The following FAM78B variants were observed in gnomAD, a reference collection of about 807,000 sequenced individuals.
FAM78B encodes protein FAM78B.
A neutral mutation model predicts 20.0 loss-of-function variants in FAM78B; 10 were observed. The ratio of observed to expected loss-of-function variants is 0.50; its 90% CI spans 0.31 to 0.85. FAM78B has a LOEUF of 0.85. Ranked by LOEUF, FAM78B falls within the 40% of genes least tolerant of loss-of-function variation. The pLI is 0.05. For synonymous variants in FAM78B, 135 were observed against 132.8 expected (o/e 1.02, Z -0.12); for missense variants, 283 against 345.0 (o/e 0.82, Z 1.42).
chr1:166,155,491 T>C (rs973601062), intron 1 of FAM78B, among the ~76,000 whole-genome samples: 1 of 152,210 alleles, frequency 6.6e-6, no homozygotes, highest in African/African-American at 2.4e-5. Context: ...AAGTTGCTCA[T>C]GGTTTCACGG....
intron 1 of FAM78B, among the ~76,000 whole-genome samples, chr1:166,130,745 C>A: frequency 6.6e-6 from 1 of 152,232 alleles, no homozygotes; most frequent in Non-Finnish European, 1.5e-5. Flanking sequence ...AGGTGGATTG[C>A]CCAAGATAGA....
intron 1 of FAM78B, among the ~76,000 whole-genome samples, chr1:166,134,392 A>C (rs1654992978): frequency 6.6e-6 from 1 of 152,188 alleles, no homozygotes; most frequent in Admixed American, 6.5e-5. Context: ...AGCTAGTGGC[A>C]GAGGCAGGAC....
intron 1 of FAM78B, among the ~76,000 whole-genome samples, chr1:166,109,850 A>ATGTGTG (rs1309748110): frequency 5.2e-5 from 1 of 19,060 alleles, no homozygotes; most frequent in African/African-American, 1.4e-4. Flanking sequence ...GTATATATAT[A>ATGTGTG]TATATATATA....
At chr1:166,149,749 T>C (rs1003751330) in intron 1 of FAM78B, among the ~76,000 whole-genome samples, 1 of 152,192 alleles carries the variant, frequency 6.6e-6, no homozygotes, top group Admixed American at 6.5e-5. Context: ...TTGAGCTCCA[T>C]ATCGTAGAAT....
intron 1 of FAM78B, among the ~76,000 whole-genome samples, chr1:166,085,480 GA>G (rs1299368451): frequency 1.3e-5 from 2 of 152,148 alleles, no homozygotes; most frequent in African/African-American, 4.8e-5. Flanking sequence ...AATCATTAAG[GA>G]GAACAAATGT....
chr1:166,057,970 T>C (rs950942466), exon 3 of FAM78B: 72 of 145,766 alleles, frequency 4.9e-4, no homozygotes, highest in African/African-American at 1.7e-3. Flanking sequence ...TTTGGGTTTT[T>C]TTTTTTCATT....
At chr1:166,121,722 C>G (rs1272812634) in intron 1 of FAM78B, among the ~76,000 whole-genome samples, 1 of 152,204 alleles carries the variant, frequency 6.6e-6, no homozygotes, top group African/African-American at 2.4e-5. Flanking sequence ...CTCCTAACAA[C>G]TCTATGAGGT....
At chr1:166,060,851 T>C (rs1214657010) in intron 2 of FAM78B, among the ~76,000 whole-genome samples, 1 of 152,180 alleles carries the variant, frequency 6.6e-6, no homozygotes, top group Non-Finnish European at 1.5e-5. Context: ...AAAGAATATA[T>C]AACTTTCATA....
chr1:166,109,890 G>GTATATATATATATATATA (rs1200752162), intron 1 of FAM78B, among the ~76,000 whole-genome samples: 1 of 23,194 alleles, frequency 4.3e-5, no homozygotes, highest in Non-Finnish European at 1.1e-4. Context: ...ATGTATATAT[G>GTATATATATATATATATA]TATATATATA....
At chr1:166,146,182 A>G (rs534733828) in intron 1 of FAM78B, among the ~76,000 whole-genome samples, 11 of 152,356 alleles carry the variant, frequency 7.2e-5, no homozygotes, top group Middle Eastern at 3.4e-3. Flanking sequence ...GCTTTAAAAC[A>G]TTAGTTCAAT....
intron 1 of FAM78B, among the ~76,000 whole-genome samples, chr1:166,092,008 T>C (rs1324915903): frequency 6.7e-6 from 1 of 149,816 alleles, no homozygotes; most frequent in African/African-American, 2.5e-5. Context: ...ACAGACACTG[T>C]GTGGTTAACA....
chr1:166,109,860 A>G lies in FAM78B; in HGVS notation c.264-39097T>C, dbSNP rs1162789394. ...TATATGTATATATATATATATATAT[A>G]TGTATGTGTATATATATATATGTAT... On this transcript the variant is annotated intron_variant, in intron 1 of 1. Coordinates refer to ENST00000354422, the MANE Select transcript of FAM78B (RefSeq NM_001017961.5). Among the ~76,000 whole-genome samples the G allele has an allele frequency of 6.7e-4, 15 of 22,480 alleles. 1 individual carries two copies. Among genetic ancestry groups the G allele is most frequent in the East Asian group, 3.5e-3 (2 of 578 alleles). 14.7% of individuals were successfully genotyped at this position (22,480 alleles called of 152,430 possible).
chr1:166,153,436 C>G (rs1358151306), intron 1 of FAM78B, among the ~76,000 whole-genome samples: 1 of 152,220 alleles, frequency 6.6e-6, no homozygotes, highest in Non-Finnish European at 1.5e-5. Flanking sequence ...CAAAGGCAGG[C>G]AGGAACCTGG....
intron 1 of FAM78B, among the ~76,000 whole-genome samples, chr1:166,140,862 G>A (rs571276534): frequency 1.3e-5 from 2 of 152,260 alleles, no homozygotes; most frequent in Admixed American, 6.5e-5. Context: ...GGGGCATGGG[G>A]CAGCAGCAGA....
chr1:166,115,705 TGGAGCGGCTGAGGGCTCAAGAAA>T (rs1346963117), intron 1 of FAM78B, among the ~76,000 whole-genome samples: 2 of 152,180 alleles, frequency 1.3e-5, no homozygotes, highest in Non-Finnish European at 2.9e-5. Flanking sequence ...GAAAGGCATT[TGGAGCGGCTGAGGGCTCAAGAAA>T]GGGCTTCCAG....
At chr1:166,116,733 C>T (rs1475813960) in intron 1 of FAM78B, among the ~76,000 whole-genome samples, 1 of 152,130 alleles carries the variant, frequency 6.6e-6, no homozygotes, top group Non-Finnish European at 1.5e-5. Flanking sequence ...GTAATCTTAC[C>T]CTCTTCAGCT....
chr1:166,100,396 T>C (rs138981721), intron 1 of FAM78B, among the ~76,000 whole-genome samples: 12 of 152,262 alleles, frequency 7.9e-5, no homozygotes, highest in Admixed American at 2.0e-4. Context: ...GGGCAAGGCA[T>C]TGCCTCACCC....
intron 1 of FAM78B, among the ~76,000 whole-genome samples, chr1:166,101,686 C>G (rs1653524641): frequency 6.6e-6 from 1 of 152,126 alleles, no homozygotes; most frequent in Non-Finnish European, 1.5e-5. Flanking sequence ...ACGAACAAAG[C>G]CTCCAAGAAA....
intron 1 of FAM78B, among the ~76,000 whole-genome samples, chr1:166,076,140 G>A (rs982108386): frequency 1.3e-5 from 2 of 152,184 alleles, no homozygotes; most frequent in African/African-American, 4.8e-5. Context: ...GGCAGCCACA[G>A]TGATCTTGTT....
Sources: allele counts gnomAD v4.1 joint callset (sites outside exome capture counted in the v4.1 genomes callset), GRCh38; gene constraint gnomAD v4.1.1; transcripts MANE v1.5; gene names NCBI Gene and HGNC (gene_info 2026-07-23, HGNC 2026-07-21).